The following FAM168B variants were observed in gnomAD, a reference collection of about 807,000 sequenced individuals.
The protein encoded by FAM168B is family with sequence similarity 168 member B.
A neutral mutation model predicts 21.8 loss-of-function variants in FAM168B; 19 were observed. The observed-to-expected ratio is 0.87, with a 90% confidence interval of 0.61 to 1.28. The LOEUF (loss-of-function observed/expected upper bound fraction) is 1.28. Ranked by LOEUF, FAM168B falls within the 50% of genes most tolerant of loss-of-function variation. The probability of loss-of-function intolerance (pLI) is 0.00; values close to 1 mark genes in which losing one functional copy is unlikely to be tolerated. For synonymous variants in FAM168B, 126 were observed against 104.8 expected (o/e 1.20, Z -1.24); for missense variants, 233 against 263.1 (o/e 0.89, Z 0.79).
In FAM168B at chr2:131,051,807, G is replaced by C. The variant is rs1320971461; in HGVS notation, c.*658C>G. On this transcript the variant is annotated 3_prime_UTR_variant, in exon 7 of 7. Transcript: ENST00000389915. ...GACTCCACCAAGCCTAAACTCAAAGGGATGTCCATGAACCAGCTGCACCCA... is the reference window on the plus strand; with the variant it reads ...GACTCCACCAAGCCTAAACTCAAAGCGATGTCCATGAACCAGCTGCACCCA... 1 of 985,248 alleles carries C rather than the reference G, an allele frequency of 1.0e-6. No homozygotes were observed. Among genetic ancestry groups the C allele is most frequent in the African/African-American group, 1.7e-5 (1 of 57,190 alleles). 61.0% of individuals were successfully genotyped at this position (985,248 alleles called of 1,614,324 possible).
rs1212437745 is a variant in FAM168B at position 131,050,665 on chromosome 2, T to C, written c.*1800A>G. The stretch of plus-strand genomic sequence containing the variant: ...TAAAATAAGATGTGAAAAAGAAAAT[T>C]ATAAGAAGTACTTACTATAAAAAAT... On this transcript the variant is annotated 3_prime_UTR_variant, in exon 7 of 7. Transcript: ENST00000389915. 1.0e-6 allele frequency: 1 copy of C among 984,960 alleles called. No homozygotes were observed. Among genetic ancestry groups the C allele is most frequent in the Non-Finnish European group, 1.2e-6 (1 of 829,448 alleles). The allele number at this position is 984,960 out of a possible 1,614,324, so 61.0% of individuals were successfully genotyped here. A position where few individuals can be genotyped will look rare whatever the true frequency, so the allele number is the denominator to read the frequency against.
At chr2:131,078,673 G>C (rs891696514) in intron 2 of FAM168B, among the ~76,000 whole-genome samples, 6 of 152,150 alleles carry the variant, frequency 3.9e-5, no homozygotes, top group Non-Finnish European at 8.8e-5. Context: ...ATGTAGAGAA[G>C]AAACATGATT....
At chr2:131,059,720 T>C (rs1397935587) in intron 3 of FAM168B, among the ~76,000 whole-genome samples, 1 of 152,206 alleles carries the variant, frequency 6.6e-6, no homozygotes, top group Non-Finnish European at 1.5e-5. Flanking sequence ...GTTCCCTTTC[T>C]TCATACAATT....
chr2:131,085,034 GAC>G (rs1693611933), intron 1 of FAM168B, among the ~76,000 whole-genome samples: 1 of 152,156 alleles, frequency 6.6e-6, no homozygotes, highest in Non-Finnish European at 1.5e-5. Context: ...ATCACTCACT[GAC>G]GTATGTGGTT....
chr2:131,072,989 T>G (rs1421566942), intron 2 of FAM168B, among the ~76,000 whole-genome samples: 1 of 152,192 alleles, frequency 6.6e-6, no homozygotes, highest in Non-Finnish European at 1.5e-5. Flanking sequence ...TTCACTGAAT[T>G]CCGACATTTC....
chr2:131,076,653 A>G (rs975317252), intron 2 of FAM168B, among the ~76,000 whole-genome samples: 1 of 119,214 alleles, frequency 8.4e-6, no homozygotes, highest in East Asian at 2.1e-4. Flanking sequence ...ACTCCGTCTT[A>G]AAAAAAAAAA....
intron 2 of FAM168B, among the ~76,000 whole-genome samples, chr2:131,078,743 C>G (rs1476885623): frequency 1.3e-5 from 2 of 152,010 alleles, no homozygotes; most frequent in African/African-American, 4.8e-5. Context: ...ACTCCCAGTA[C>G]TTTGGGAGGC....
chr2:131,074,378 C>T (rs1484580734), intron 2 of FAM168B, among the ~76,000 whole-genome samples: 1 of 152,144 alleles, frequency 6.6e-6, no homozygotes, highest in African/African-American at 2.4e-5. Flanking sequence ...CCGCCCTCCT[C>T]GGCCTCCCAA....
In FAM168B at chr2:131,064,891, G is replaced by C. The variant is rs1692479518; in HGVS notation, c.154+6964C>G. Among the ~76,000 whole-genome samples the C allele has an allele frequency of 2.0e-5, 3 of 152,130 alleles. No homozygotes were observed. In the South Asian group the frequency reaches 6.2e-4, roughly 31 times the overall value. On this transcript the variant is annotated intron_variant, in intron 3 of 6. Coordinates refer to ENST00000389915, the MANE Select transcript of FAM168B (RefSeq NM_001009993.4). ...CTAAGAAGAGATCTCAACACATCGGGGGTAGCTGGAGGTTTAATTAATGCT... is the reference window on the plus strand; with the variant it reads ...CTAAGAAGAGATCTCAACACATCGGCGGTAGCTGGAGGTTTAATTAATGCT...
Position 131,049,221 on chromosome 2 carries a change from C to G in FAM168B, c.*3244G>C. ...TGCAAATTATTTCCTAGACCTCATT[C>G]ATCACAGCCAGATGATGCCACCAGA... On this transcript the variant is annotated 3_prime_UTR_variant, in exon 7 of 7. Transcript: ENST00000389915. The G allele has an allele frequency of 1.0e-6, 1 of 985,422 alleles. No individual in the cohort carries two copies. Among genetic ancestry groups the G allele is most frequent in the Non-Finnish European group, 1.2e-6 (1 of 829,948 alleles). The allele number at this position is 985,422 out of a possible 1,614,324, so 61.0% of individuals were successfully genotyped here. A position where few individuals can be genotyped will look rare whatever the true frequency, so the allele number is the denominator to read the frequency against.
rs1183462472 is a variant in FAM168B, at chr2:131,051,072, T to C, written c.*1393A>G. On this transcript the variant is annotated 3_prime_UTR_variant, in exon 7 of 7. Transcript: ENST00000389915. ...CAAATTCCTCTCCCACAATAAACCC[T>C]GCCAGCAAACGCACTCCAGCACTGC... 6.1e-6 allele frequency: 6 copies of C among 985,408 alleles called. No homozygotes were observed. The East Asian group carries it at 6.8e-4, about 112-fold the overall frequency. 61.0% of individuals were successfully genotyped at this position (985,408 alleles called of 1,614,324 possible).
chr2:131,084,191 C>A (rs182460636), intron 1 of FAM168B, among the ~76,000 whole-genome samples: 1 of 128,746 alleles, frequency 7.8e-6, no homozygotes. Flanking sequence ...TCCCCTCCGC[C>A]CCCCCCACCC....
At chr2:131,081,330 G>C (rs1042453692) in intron 2 of FAM168B, among the ~76,000 whole-genome samples, 1 of 152,180 alleles carries the variant, frequency 6.6e-6, no homozygotes. Context: ...ATGCTAGCAG[G>C]CAGAACTTTG....
At chr2:131,083,199 C>A (rs1189074683) in intron 1 of FAM168B, among the ~76,000 whole-genome samples, 1 of 152,092 alleles carries the variant, frequency 6.6e-6, no homozygotes, top group African/African-American at 2.4e-5. Flanking sequence ...ACTAAAAATA[C>A]AAAAATTAGC....
chr2:131,077,089 C>A (rs1318685792), intron 2 of FAM168B, among the ~76,000 whole-genome samples: 1 of 151,926 alleles, frequency 6.6e-6, no homozygotes, highest in East Asian at 1.9e-4. Flanking sequence ...AAACATAGGG[C>A]TGTTCACAGA....
chr2:131,068,156 CTT>C (rs1217427574), intron 3 of FAM168B, among the ~76,000 whole-genome samples: 1 of 152,122 alleles, frequency 6.6e-6, no homozygotes, highest in Non-Finnish European at 1.5e-5. Context: ...ATCAGAAAGA[CTT>C]TTTCTTTTTT....
Position 131,049,305 on chromosome 2 carries a change from C to T in FAM168B, c.*3160G>A, listed in dbSNP as rs1372166732. The T allele has an allele frequency of 1.0e-6, 1 of 985,506 alleles. No homozygotes were observed. Among genetic ancestry groups the T allele is most frequent in the East Asian group, 1.1e-4 (1 of 8,816 alleles). 61.0% of individuals were successfully genotyped at this position (985,506 alleles called of 1,614,324 possible). On this transcript the variant is annotated 3_prime_UTR_variant, in exon 7 of 7. Transcript: ENST00000389915. ...GGCAAGACACTCACTGACCAGGTGC[C>T]CACCCCAAGGCTCAGGACCACCCCC...
chr2:131,072,583 C>T (rs1439398589), intron 2 of FAM168B, among the ~76,000 whole-genome samples: 16 of 152,028 alleles, frequency 1.1e-4, no homozygotes, highest in African/African-American at 3.4e-4. Flanking sequence ...CTCAGCCTTC[C>T]GAGTAGCTGG....
chr2:131,049,713 A>T lies in FAM168B; in HGVS notation c.*2752T>A. On this transcript the variant is annotated 3_prime_UTR_variant, in exon 7 of 7. Coordinates refer to ENST00000389915, the MANE Select transcript of FAM168B (RefSeq NM_001009993.4). ...AGGTCCTTTGCTTACCTGCTGTCTC[A>T]ACTTCTAAAAGAATAGTAATTCAGC... is the stretch of plus-strand genomic sequence containing the variant. 1 of 985,866 alleles carries T rather than the reference A, an allele frequency of 1.0e-6. No homozygotes were observed. The highest frequency in any genetic ancestry group is 1.7e-5 in the African/African-American group (1 of 57,366). The allele number at this position is 985,866 out of a possible 1,614,324, so 61.1% of individuals were successfully genotyped here.
Sources: allele counts gnomAD v4.1 joint callset (sites outside exome capture counted in the v4.1 genomes callset), GRCh38; gene constraint gnomAD v4.1.1; transcripts MANE v1.5; gene names NCBI Gene and HGNC (gene_info 2026-07-23, HGNC 2026-07-21).